PTPRG: variants seen among roughly 807,000 people sequenced by gnomAD.
PTPRG encodes protein tyrosine phosphatase receptor type G, also known as receptor-type tyrosine-protein phosphatase gamma.
Under a neutral mutation model 165.3 loss-of-function variants are expected in PTPRG, and 102 were observed. The observed-to-expected ratio is 0.62, with a 90% CI of 0.53 to 0.73. The LOEUF is 0.73. Ranked by LOEUF, PTPRG falls within the 30% of genes least tolerant of loss-of-function variation. The pLI is 0.00. For synonymous variants in PTPRG, 675 were observed against 669.5 expected (o/e 1.01, Z -0.13); for missense variants, 1,866 against 1,861.4 (o/e 1.00, Z -0.05).
intron 7 of PTPRG, among the ~76,000 whole-genome samples, chr3:62,160,885 T>TTTG (rs1553643305): frequency 1.2e-3 from 171 of 144,698 alleles, no homozygotes; most frequent in African/African-American, 4.3e-3. Context: ...TTTTTTTTTT[T>TTTG]TTTCTGACAG....
intron 1 of PTPRG, among the ~76,000 whole-genome samples, chr3:61,691,364 A>G (rs143680623): frequency 6.6e-6 from 1 of 152,308 alleles, no homozygotes; most frequent in African/African-American, 2.4e-5. Context: ...TTGTGATCAC[A>G]CCACTGCACT....
At position 61,795,605 on chromosome 3, in the gene PTPRG, A is replaced by T. The variant is rs1355689515; in HGVS notation, c.190+46623A>T. On this transcript the variant is annotated intron_variant, in intron 2 of 29. Transcript: ENST00000474889. Reference sequence around the variant, plus strand: ...CAGTGAGCCGAGATCGTGCCACTGCACTCCAGCCTGGGTGACAGAGCAAGA... The same window carrying T: ...CAGTGAGCCGAGATCGTGCCACTGCTCTCCAGCCTGGGTGACAGAGCAAGA... Among the ~76,000 whole-genome samples the T allele has an allele frequency of 4.1e-5, 4 of 98,606 alleles. No homozygotes were observed. The Admixed American group carries it at 4.6e-4, about 11-fold the overall frequency. 64.7% of individuals were successfully genotyped at this position (98,606 alleles called of 152,430 possible).
intron 1 of PTPRG, among the ~76,000 whole-genome samples, chr3:61,696,680 C>T (rs928497322): frequency 5.3e-5 from 8 of 152,176 alleles, no homozygotes; most frequent in Non-Finnish European, 1.0e-4. Context: ...GTAACCGGAT[C>T]TGAGAATTAG....
At chr3:62,120,445 AT>A (rs1232969289) in intron 5 of PTPRG, among the ~76,000 whole-genome samples, 1 of 152,222 alleles carries the variant, frequency 6.6e-6, no homozygotes, top group Non-Finnish European at 1.5e-5. Flanking sequence ...AAATGTTAAA[AT>A]TGTATTAAAA....
At chr3:61,929,769 G>T (rs1454115445) in intron 2 of PTPRG, among the ~76,000 whole-genome samples, 5 of 152,222 alleles carry the variant, frequency 3.3e-5, no homozygotes, top group African/African-American at 1.2e-4. Flanking sequence ...GCAAGAGCGA[G>T]CAGTGGGTTC....
At chr3:61,645,631 C>A (rs935192491) in intron 1 of PTPRG, among the ~76,000 whole-genome samples, 31 of 152,172 alleles carry the variant, frequency 2.0e-4, no homozygotes, top group Admixed American at 7.2e-4. Flanking sequence ...ATCTAGCCCA[C>A]GGGTTGGCAA....
intron 4 of PTPRG, among the ~76,000 whole-genome samples, chr3:62,036,267 G>A (rs1004963501): frequency 6.6e-6 from 1 of 152,128 alleles, no homozygotes; most frequent in Non-Finnish European, 1.5e-5. Context: ...CTCTGGTTTG[G>A]AATATCTCAG....
intron 1 of PTPRG, among the ~76,000 whole-genome samples, chr3:61,646,641 C>G (rs773913977): frequency 2.6e-5 from 4 of 152,132 alleles, no homozygotes; most frequent in Non-Finnish European, 4.4e-5. Flanking sequence ...TTAACATGCA[C>G]TTATTTGTAT....
At chr3:61,961,430 AAAAT>A (rs1236079691) in intron 2 of PTPRG, among the ~76,000 whole-genome samples, 3 of 152,182 alleles carry the variant, frequency 2.0e-5, no homozygotes, top group Non-Finnish European at 2.9e-5. Context: ...AAATAAATGA[AAAAT>A]AAACCATTTC....
intron 2 of PTPRG, among the ~76,000 whole-genome samples, chr3:61,841,183 A>C (rs144428922): frequency 1.8e-4 from 28 of 152,336 alleles, no homozygotes; most frequent in African/African-American, 6.0e-4. Flanking sequence ...CCGTTATAGA[A>C]GTTTACGCCA....
At position 62,272,985 on chromosome 3, in the gene PTPRG, C is replaced by T. The variant is rs756493450; in HGVS notation, c.3222C>T (p.Asp1074=). The T allele has an allele frequency of 1.4e-5, 23 of 1,613,662 alleles. No homozygotes were observed. The South Asian group carries it at 2.2e-4, about 15-fold the overall frequency. ...VGRTGTYIVI[D]SMLQQIKDKS... is the part of the protein sequence containing the mutation. The stretch of plus-strand genomic sequence containing the variant: ...GAACAGGCACCTATATTGTAATAGA[C>T]AGCATGCTGCAACAGATAAAAGACA... Residue 1074 remains aspartate (D), a synonymous_variant, in exon 22 of 30, where the codon GAC becomes GAT. Coordinates refer to ENST00000474889, the MANE Select transcript of PTPRG (RefSeq NM_002841.4).
chr3:61,704,807 C>T (rs2031164443), intron 1 of PTPRG, among the ~76,000 whole-genome samples: 1 of 152,200 alleles, frequency 6.6e-6, no homozygotes, highest in African/African-American at 2.4e-5. Context: ...TATTGATATA[C>T]TTTCTGAGAT....
intron 2 of PTPRG, among the ~76,000 whole-genome samples, chr3:61,826,272 G>A (rs1296227919): frequency 4.6e-5 from 7 of 152,084 alleles, no homozygotes; most frequent in South Asian, 4.1e-4. Flanking sequence ...TTTCCCCTAC[G>A]GTGAGTAGTA....
At chr3:61,922,369 T>C (rs376069521) in intron 2 of PTPRG, among the ~76,000 whole-genome samples, 8 of 152,348 alleles carry the variant, frequency 5.3e-5, no homozygotes, top group African/African-American at 1.9e-4. Flanking sequence ...CTTCAAAAGA[T>C]GTGCGCTCTG....
At chr3:61,582,676 C>T (rs531130203) in intron 1 of PTPRG, among the ~76,000 whole-genome samples, 2 of 152,270 alleles carry the variant, frequency 1.3e-5, no homozygotes, top group African/African-American at 4.8e-5. Context: ...CTTCCTGTTT[C>T]CAGGCTGTAG....
chr3:61,929,058 GC>G (rs921171906), intron 2 of PTPRG, among the ~76,000 whole-genome samples: 7 of 152,070 alleles, frequency 4.6e-5, no homozygotes, highest in African/African-American at 1.7e-4. Context: ...GGAGTCTTTG[GC>G]CCCAAATGAG....
At chr3:61,998,103 T>C (rs138693430) in intron 3 of PTPRG, among the ~76,000 whole-genome samples, 122 of 152,390 alleles carry the variant, frequency 8.0e-4, no homozygotes, top group African/African-American at 2.6e-3. Context: ...CTTTAGCCTG[T>C]GTTATACACA....
rs1049694076 is a variant in PTPRG, at chr3:62,210,389, G to A, written c.2155+6439G>A. Among the ~76,000 whole-genome samples, 4 of 152,136 alleles carry A rather than the reference G, an allele frequency of 2.6e-5. No individual in the cohort carries two copies. Among genetic ancestry groups the A allele is most frequent in the South Asian group, 2.1e-4 (1 of 4,830 alleles). On this transcript the variant is annotated intron_variant, in intron 12 of 29. Coordinates refer to ENST00000474889, the MANE Select transcript of PTPRG (RefSeq NM_002841.4). The surrounding 1 kb of genome is among the most constrained non-coding windows in gnomAD (Gnocchi z 4.1). ...GCAGCCACCTTATCATTTCACACCCGTTAGAATGGCTTCTATCAAAAATAT... is the reference window on the plus strand; with the variant it reads ...GCAGCCACCTTATCATTTCACACCCATTAGAATGGCTTCTATCAAAAATAT...
chr3:62,233,430 A>G lies in PTPRG; in HGVS notation c.2375+2119A>G, dbSNP rs1212424148. 6.6e-6 allele frequency among the ~76,000 whole-genome samples: 1 copy of G among 152,116 alleles called. No individual in the cohort carries two copies. Among genetic ancestry groups the G allele is most frequent in the East Asian group, 1.9e-4 (1 of 5,192 alleles). ...GTCCATCCTGCTGCTGTTCTATAAA[A>G]GGGCTTTGAAAGACAGGGTGCCCCC... On this transcript the variant is annotated intron_variant, in intron 14 of 29. Coordinates refer to ENST00000474889, the MANE Select transcript of PTPRG (RefSeq NM_002841.4). The surrounding 1 kb of genome is among the most constrained non-coding windows in gnomAD (Gnocchi z 4.7).
Sources: gnomAD v4.1 joint callset for allele counts (sites outside exome capture counted in the v4.1 genomes callset) on GRCh38, gnomAD v4.1.1 for gene constraint, Gnocchi (gnomAD v3.1) non-coding constraint, MANE v1.5 for transcripts, NCBI Gene and HGNC (gene_info 2026-07-23, HGNC 2026-07-21) for gene names.